ALMS1: variants seen among roughly 807,000 people sequenced by gnomAD.
The protein encoded by ALMS1 is centrosome-associated protein ALMS1.
ALMS1 carries 271 observed loss-of-function variants against 352.2 expected under a neutral mutation model. The ratio of observed to expected loss-of-function variants is 0.77; its 90% confidence interval spans 0.70 to 0.85. ALMS1 has a LOEUF of 0.85. ALMS1 is among the 40% of genes least tolerant of loss of function. The pLI, the probability that ALMS1 is intolerant of heterozygous loss-of-function variation, is 0.00. For synonymous variants in ALMS1, 1,865 were observed against 1,761.2 expected, an observed-to-expected ratio of 1.06 and a Z score of -1.48; for missense variants, 5,445 against 4,870.7, an observed-to-expected ratio of 1.12 and a Z score of -3.51.
At position 73,449,761 on chromosome 2, in the gene ALMS1, C is replaced by G. The variant is rs771305195; in HGVS notation, c.3234C>G (p.Ala1078=). Reference sequence around the variant, plus strand: ...CTGAAGAGAGTCTGAAAGTTTCAGCCTTCCCTGGACCAGCTGACCAGATGA... The same window carrying G: ...CTGAAGAGAGTCTGAAAGTTTCAGCGTTCCCTGGACCAGCTGACCAGATGA... ...HLPEESLKVS[A]FPGPADQMTD... The change falls in exon 8 of 23, where the codon GCC becomes GCG. Residue 1078 remains alanine, a synonymous_variant. Transcript: ENST00000613296. The G allele has an allele frequency of 1.6e-5, 26 of 1,613,956 alleles. No homozygotes were observed. The highest frequency in any genetic ancestry group is 2.2e-5 in the Non-Finnish European group (26 of 1,179,938).
intron 9 of ALMS1, among the ~76,000 whole-genome samples, chr2:73,482,580 A>T (rs1445828519): frequency 6.6e-6 from 1 of 152,214 alleles, no homozygotes; most frequent in East Asian, 1.9e-4. Context: ...TATCAGAATG[A>T]TGCTGGCCTC....
intron 1 of ALMS1, among the ~76,000 whole-genome samples, chr2:73,389,796 T>G (rs1337893272): frequency 6.6e-6 from 1 of 152,080 alleles, no homozygotes; most frequent in Non-Finnish European, 1.5e-5. Flanking sequence ...TTCAAGCAAT[T>G]CTCCTGCCTC....
chr2:73,604,490 T>A (rs1472720767), intron 21 of ALMS1, among the ~76,000 whole-genome samples: 4 of 152,236 alleles, frequency 2.6e-5, no homozygotes, highest in Non-Finnish European at 4.4e-5. Context: ...TTGACTTTTT[T>A]AGGCATTCAT....
At chr2:73,473,816 T>G (rs1199068812) in intron 9 of ALMS1, among the ~76,000 whole-genome samples, 1 of 151,980 alleles carries the variant, frequency 6.6e-6, no homozygotes. Context: ...GGTCAGATGA[T>G]TTATTTATTC....
chr2:73,490,247 A>T lies in ALMS1; in HGVS notation c.8288A>T (p.Asp2763Val). ...HFTEEQNPPR[D>V]LKQKTSSPSS... is the part of the protein sequence containing the mutation. ...ACTGAAGAACAAAATCCTCCCAGAG[A>T]TCTTAAACAGAAAACCTCTTCCCCT... The change falls in exon 10 of 23, where the codon GAT becomes GTT. Residue 2763 changes from aspartate to valine, a missense_variant. Coordinates refer to ENST00000613296, the MANE Select transcript of ALMS1 (RefSeq NM_001378454.1). 1 of 1,614,178 alleles carries T rather than the reference A, an allele frequency of 6.2e-7. No homozygotes were observed. The highest frequency in any genetic ancestry group is 8.5e-7 in the Non-Finnish European group (1 of 1,180,026).
chr2:73,543,453 T>C (rs1188395569), intron 12 of ALMS1, among the ~76,000 whole-genome samples: 5 of 152,206 alleles, frequency 3.3e-5, no homozygotes, highest in Non-Finnish European at 5.9e-5. Context: ...GACACAGGCA[T>C]GGTCAAGGAC....
intron 7 of ALMS1, among the ~76,000 whole-genome samples, chr2:73,440,493 G>C (rs917811318): frequency 1.3e-5 from 2 of 150,692 alleles, no homozygotes; most frequent in Non-Finnish European, 3.0e-5. Context: ...TCTCTCTCTC[G>C]GCTCACTGAA....
At chr2:73,535,978 C>G (rs1331843503) in intron 12 of ALMS1, among the ~76,000 whole-genome samples, 1 of 152,066 alleles carries the variant, frequency 6.6e-6, no homozygotes. Context: ...AGTAACTGCA[C>G]TAAAGCCTCT....
At chr2:73,444,296 G>C (rs879563177) in intron 7 of ALMS1, among the ~76,000 whole-genome samples, 6 of 152,050 alleles carry the variant, frequency 3.9e-5, no homozygotes, top group Admixed American at 3.3e-4. Flanking sequence ...GCACCTATCA[G>C]GGTGGTTTGA....
chr2:73,479,662 C>G (rs1386408656), intron 9 of ALMS1, among the ~76,000 whole-genome samples: 1 of 152,134 alleles, frequency 6.6e-6, no homozygotes, highest in Non-Finnish European at 1.5e-5. Flanking sequence ...TTGGCTTTAC[C>G]AGTACAGCTG....
intron 6 of ALMS1, among the ~76,000 whole-genome samples, chr2:73,427,517 T>TG (rs1318488612): frequency 2.6e-5 from 4 of 152,106 alleles, no homozygotes; most frequent in African/African-American, 9.7e-5. Context: ...AATTAAGTTC[T>TG]GGGGCACATG....
intron 15 of ALMS1, among the ~76,000 whole-genome samples, chr2:73,560,572 A>G (rs1422442406): frequency 6.6e-6 from 1 of 152,220 alleles, no homozygotes; most frequent in Non-Finnish European, 1.5e-5. Flanking sequence ...AATTCAAAAC[A>G]GGACTTCAAA....
Position 73,450,380 on chromosome 2 carries a change from T to G in ALMS1, c.3853T>G (p.Ser1285Ala), listed in dbSNP as rs1472383915. ...TGGCACACCAGCTGTAACCTCTACT[T>G]CCTACTCACAATATAGAGAGAAGCC... ...TTGTPAVTST[S>A]YSQYREKPSI... is the part of the protein sequence containing the mutation. The change falls in exon 8 of 23, where the codon TCC (serine) becomes GCC (alanine). Residue 1285 changes from serine to alanine, a missense_variant. Coordinates refer to ENST00000613296, the MANE Select transcript of ALMS1 (RefSeq NM_001378454.1). The G allele has an allele frequency of 1.9e-6, 3 of 1,612,596 alleles. No individual in the cohort carries two copies. Among genetic ancestry groups the G allele is most frequent in the Non-Finnish European group, 1.7e-6 (2 of 1,179,700 alleles).
At chr2:73,408,041 C>T (rs982795441) in intron 1 of ALMS1, among the ~76,000 whole-genome samples, 2 of 151,862 alleles carry the variant, frequency 1.3e-5, no homozygotes, top group Middle Eastern at 3.2e-3. Context: ...AGAAGGAAAT[C>T]TTATATTGGA....
intron 13 of ALMS1, among the ~76,000 whole-genome samples, chr2:73,551,716 A>G (rs1386569242): frequency 6.6e-6 from 1 of 152,048 alleles, no homozygotes; most frequent in Non-Finnish European, 1.5e-5. Context: ...GATTACAGGC[A>G]TGAGCCACCG....
chr2:73,594,850 C>CT (rs1675512080), intron 16 of ALMS1, among the ~76,000 whole-genome samples: 1 of 152,124 alleles, frequency 6.6e-6, no homozygotes, highest in Non-Finnish European at 1.5e-5. Context: ...ATCTACTCTC[C>CT]TTTCTGAGTT....
chr2:73,545,538 AATCTT>A (rs1206273538), intron 12 of ALMS1, among the ~76,000 whole-genome samples: 1 of 152,212 alleles, frequency 6.6e-6, no homozygotes, highest in African/African-American at 2.4e-5. Context: ...AGTTACCAAA[AATCTT>A]AATTGAATTT....
intron 16 of ALMS1, chr2:73,573,700 G>T (rs1188571409): frequency 1.7e-6 from 1 of 604,598 alleles, no homozygotes; most frequent in Non-Finnish European, 2.9e-6. Context: ...GGGGAGCTTT[G>T]AGGTTAGAAT....
chr2:73,457,555 C>T (rs1188126545), intron 9 of ALMS1, among the ~76,000 whole-genome samples: 3 of 152,126 alleles, frequency 2.0e-5, no homozygotes, highest in African/African-American at 4.8e-5. Context: ...TACTTTTTAA[C>T]TCTCCTGTAT....
Sources: allele counts gnomAD v4.1 joint callset (sites outside exome capture counted in the v4.1 genomes callset), GRCh38; gene constraint gnomAD v4.1.1; transcripts MANE v1.5; gene names NCBI Gene and HGNC (gene_info 2026-07-23, HGNC 2026-07-21).